SGK3: variants seen among roughly 807,000 people sequenced by gnomAD.
SGK3 encodes serine/threonine-protein kinase Sgk3.
Under a neutral mutation model 68.5 loss-of-function variants are expected in SGK3, and 47 were observed. The observed-to-expected ratio is 0.69, with a 90% CI of 0.54 to 0.87. SGK3 has a LOEUF of 0.87. Ranked by LOEUF, SGK3 falls within the 40% of genes least tolerant of loss-of-function variation. The pLI is 0.00. For synonymous variants in SGK3, 181 were observed against 189.1 expected (o/e 0.96, Z 0.35); for missense variants, 479 against 575.5 (o/e 0.83, Z 1.72).
intron 16 of SGK3, among the ~76,000 whole-genome samples, chr8:66,856,345 G>A (rs1810506390): frequency 6.6e-6 from 1 of 152,124 alleles, no homozygotes; most frequent in African/African-American, 2.4e-5. Context: ...GGGATTACAG[G>A]CATGAGCCAC....
intron 15 of SGK3, among the ~76,000 whole-genome samples, chr8:66,848,334 G>A (rs190842017): frequency 1.3e-3 from 200 of 152,230 alleles, no homozygotes; most frequent in African/African-American, 4.6e-3. Flanking sequence ...TGTGAACCTC[G>A]TCTGTGCTTC....
chr8:66,784,505 T>G (rs1423538681), intron 1 of SGK3, among the ~76,000 whole-genome samples: 7 of 152,198 alleles, frequency 4.6e-5, no homozygotes, highest in Non-Finnish European at 5.9e-5. Flanking sequence ...TCAAACAATC[T>G]TTATGATGGG....
chr8:66,794,238 C>A (rs1329122651), intron 2 of SGK3, among the ~76,000 whole-genome samples: 3 of 152,070 alleles, frequency 2.0e-5, no homozygotes, highest in Admixed American at 1.3e-4. Flanking sequence ...ATATTTAATT[C>A]AGTATTTTAT....
intron 1 of SGK3, among the ~76,000 whole-genome samples, chr8:66,714,388 T>C (rs1433480822): frequency 6.6e-6 from 1 of 152,142 alleles, no homozygotes; most frequent in Non-Finnish European, 1.5e-5. Flanking sequence ...TGTGCACCAT[T>C]AGAGACCCAA....
intron 1 of SGK3, among the ~76,000 whole-genome samples, chr8:66,783,495 T>TTGTG (rs538282009): frequency 6.6e-6 from 1 of 151,934 alleles, no homozygotes; most frequent in African/African-American, 2.4e-5. Context: ...CATCTAATTT[T>TTGTG]TGTGTGTGTG....
intron 15 of SGK3, among the ~76,000 whole-genome samples, chr8:66,847,704 TA>T (rs1271955225): frequency 6.6e-6 from 1 of 152,174 alleles, no homozygotes; most frequent in Admixed American, 6.5e-5. Flanking sequence ...TAAATAATAC[TA>T]ACATTTTCAT....
At chr8:66,776,969 G>GT (rs1237353670) in intron 1 of SGK3, among the ~76,000 whole-genome samples, 6 of 152,316 alleles carry the variant, frequency 3.9e-5, no homozygotes, top group South Asian at 4.1e-4. Flanking sequence ...CTACTAGGCA[G>GT]TTTTTTTATC....
intron 1 of SGK3, among the ~76,000 whole-genome samples, chr8:66,780,947 G>T (rs1262657670): frequency 3.9e-5 from 6 of 152,186 alleles, no homozygotes; most frequent in Non-Finnish European, 5.9e-5. Flanking sequence ...AGACATGATG[G>T]TGATTTTTGT....
At chr8:66,856,719 A>G (rs1810526282) in intron 16 of SGK3, among the ~76,000 whole-genome samples, 1 of 152,200 alleles carries the variant, frequency 6.6e-6, no homozygotes, top group African/African-American at 2.4e-5. Flanking sequence ...TGGAAATTTT[A>G]TTAACGCATC....
At chr8:66,818,946 T>C (rs1808703300) in intron 5 of SGK3, among the ~76,000 whole-genome samples, 1 of 152,236 alleles carries the variant, frequency 6.6e-6, no homozygotes, top group African/African-American at 2.4e-5. Flanking sequence ...GTAGAGTATA[T>C]GTATGTGTTT....
At chr8:66,839,525 A>ATT (rs1563654533) in intron 10 of SGK3, among the ~76,000 whole-genome samples, 1 of 60,510 alleles carries the variant, frequency 1.7e-5, no homozygotes, top group Non-Finnish European at 3.5e-5. Flanking sequence ...ATATATATAT[A>ATT]TATATATATA....
chr8:66,815,026 G>A (rs1219667403), intron 5 of SGK3, among the ~76,000 whole-genome samples: 1 of 152,154 alleles, frequency 6.6e-6, no homozygotes, highest in Non-Finnish European at 1.5e-5. Flanking sequence ...TATGGGCAAT[G>A]GTGTAAATAT....
intron 1 of SGK3, among the ~76,000 whole-genome samples, chr8:66,734,425 A>C (rs1035250945): frequency 6.6e-6 from 1 of 151,850 alleles, no homozygotes; most frequent in African/African-American, 2.4e-5. Flanking sequence ...AACCAAAATA[A>C]ATTTTCTTTC....
At chr8:66,812,557 C>G (rs938590238) in intron 4 of SGK3, among the ~76,000 whole-genome samples, 1 of 144,868 alleles carries the variant, frequency 6.9e-6, no homozygotes, top group Admixed American at 6.9e-5. Flanking sequence ...GACTTTGTCT[C>G]AAAGAAAAAA....
chr8:66,856,750 G>C (rs1455380551), intron 16 of SGK3, among the ~76,000 whole-genome samples: 1 of 152,160 alleles, frequency 6.6e-6, no homozygotes, highest in East Asian at 1.9e-4. Flanking sequence ...AATAACCTCA[G>C]GAGGTAGGTG....
intron 6 of SGK3, among the ~76,000 whole-genome samples, chr8:66,824,455 C>T (rs1808973042): frequency 6.8e-6 from 1 of 146,210 alleles, no homozygotes; most frequent in Non-Finnish European, 1.5e-5. Flanking sequence ...ATTGCTCTAC[C>T]AAATTAAAAA....
intron 14 of SGK3, among the ~76,000 whole-genome samples, chr8:66,845,682 C>T (rs1809980013): frequency 6.7e-6 from 1 of 149,414 alleles, no homozygotes; most frequent in African/African-American, 2.5e-5. Flanking sequence ...TGCACCACCC[C>T]ACCTAGCTTG....
intron 1 of SGK3, among the ~76,000 whole-genome samples, chr8:66,722,922 G>A (rs900142617): frequency 6.6e-6 from 1 of 151,386 alleles, no homozygotes; most frequent in Non-Finnish European, 1.5e-5. Flanking sequence ...TCACTGTGGT[G>A]AAGACAGCAC....
intron 6 of SGK3, among the ~76,000 whole-genome samples, chr8:66,826,865 G>A (rs905664883): frequency 1.3e-5 from 2 of 151,660 alleles, no homozygotes; most frequent in African/African-American, 2.4e-5. Context: ...GGCTGATCTC[G>A]AACTCCTGAC....
Sources: gnomAD v4.1 joint callset for allele counts (sites outside exome capture counted in the v4.1 genomes callset) on GRCh38, gnomAD v4.1.1 for gene constraint, MANE v1.5 for transcripts, NCBI Gene and HGNC (gene_info 2026-07-23, HGNC 2026-07-21) for gene names.